WRN: variants seen among roughly 807,000 people sequenced by gnomAD.
WRN encodes the protein WRN RecQ like helicase.
A neutral mutation model predicts 180.7 loss-of-function variants in WRN; 149 were observed. The observed-to-expected ratio is 0.82, with a 90% CI of 0.72 to 0.94. The LOEUF is 0.94. Among genes scored for constraint, WRN ranks in the 40% least tolerant of loss-of-function variants. The probability of loss-of-function intolerance (pLI) is 0.00; values close to 1 mark genes in which losing one functional copy is unlikely to be tolerated. For missense variants in WRN, 1,661 were observed against 1,700.1 expected (o/e 0.98, Z 0.40); for synonymous variants, 548 against 568.9 (o/e 0.96, Z 0.52).
chr8:31,121,327 T>G (rs1801719124), intron 21 of WRN, among the ~76,000 whole-genome samples: 1 of 151,938 alleles, frequency 6.6e-6, no homozygotes, highest in African/African-American at 2.4e-5. Flanking sequence ...CCCACTACAG[T>G]TTTTGTTTTT....
At position 31,167,003 on chromosome 8, in the gene WRN, GT is replaced by G. The variant is rs368931913; in HGVS notation, c.3983-12del. 5 of 1,601,126 alleles carry G rather than the reference GT, an allele frequency of 3.1e-6. No homozygotes were observed. Among genetic ancestry groups the G allele is most frequent in the African/African-American group, 2.7e-5 (2 of 74,502 alleles). On this transcript the variant is annotated intron_variant, in intron 33 of 34. Transcript: ENST00000298139. ...TCTCTGTAATTTATTTTGAAATGGAGTTTTTTTATCGTTTACAGATATGAGT... is the reference window on the plus strand; with the variant it reads ...TCTCTGTAATTTATTTTGAAATGGAGTTTTTTATCGTTTACAGATATGAGT...
At chr8:31,101,562 G>C (rs1800858597) in intron 18 of WRN, among the ~76,000 whole-genome samples, 1 of 152,040 alleles carries the variant, frequency 6.6e-6, no homozygotes, top group African/African-American at 2.4e-5. Context: ...CGAGGTGGGT[G>C]GATCACCTGA....
chr8:31,088,690 A>G (rs981211450), intron 12 of WRN, among the ~76,000 whole-genome samples, 200 bp from the exon 13 acceptor site: 1 of 152,114 alleles, frequency 6.6e-6, no homozygotes, highest in African/African-American at 2.4e-5. Context: ...TCACAACAAA[A>G]TTCTAATACT....
chr8:31,100,680 C>G (rs1381210145), intron 17 of WRN, among the ~76,000 whole-genome samples, 169 bp from the exon 18 acceptor site: 3 of 152,292 alleles, frequency 2.0e-5, no homozygotes, highest in Middle Eastern at 3.4e-3. Context: ...TCCCCTCTCC[C>G]TATTTCCAAT....
At chr8:31,043,277 A>G (rs1400186451) in intron 1 of WRN, among the ~76,000 whole-genome samples, 1 of 152,212 alleles carries the variant, frequency 6.6e-6, no homozygotes, top group Non-Finnish European at 1.5e-5. Flanking sequence ...ATTTGTTGCA[A>G]TTGGACTGCC....
chr8:31,082,746 G>A (rs1263172443), intron 9 of WRN, among the ~76,000 whole-genome samples: 3 of 151,780 alleles, frequency 2.0e-5, no homozygotes, highest in Admixed American at 6.6e-5. Context: ...ACAGGTGCCC[G>A]CCACCACACC....
chr8:31,151,901 A>AG (rs1554535169), intron 31 of WRN, among the ~76,000 whole-genome samples: 1 of 150,598 alleles, frequency 6.6e-6, no homozygotes, highest in Non-Finnish European at 1.5e-5. Flanking sequence ...TTAGCCTTTT[A>AG]TTTTTTTTTT....
intron 1 of WRN, among the ~76,000 whole-genome samples, chr8:31,057,443 C>T (rs959910157): frequency 2.6e-5 from 4 of 151,924 alleles, no homozygotes; most frequent in African/African-American, 7.3e-5. Flanking sequence ...TGGTGGCGGG[C>T]GCCTGTAGTC....
intron 30 of WRN, among the ~76,000 whole-genome samples, chr8:31,147,858 C>G (rs1303278016): frequency 2.0e-5 from 3 of 151,104 alleles, no homozygotes; most frequent in South Asian, 2.1e-4. Flanking sequence ...ATATAAAACC[C>G]CTTCGTCTTC....
Position 31,096,796 on chromosome 8 carries a change from C to G in WRN, c.1927C>G (p.Pro643Ala). Residue 643 changes from proline to alanine, a missense_variant, in exon 17 of 35, where the codon CCA becomes GCA. By Grantham distance (27) the Pro-to-Ala change is conservative (BLOSUM62 -1). Around this residue, in one of 3 missense-constraint regions of WRN, gnomAD observed 1,141 missense variants for 1,149.4 expected, o/e 0.99. Transcript: ENST00000298139. ...LGKYRIVYVT[P>A]EYCSGNMGLL... The stretch of plus-strand genomic sequence containing the variant: ...TAAATACCGGATTGTATACGTAACT[C>G]CAGAATACTGTTCAGGTAACATGGG... The G allele has an allele frequency of 6.2e-7, 1 of 1,609,572 alleles. No homozygotes were observed. The highest frequency in any genetic ancestry group is 8.5e-7 in the Non-Finnish European group (1 of 1,178,800).
At chr8:31,109,968 A>G (rs1439578365) in intron 18 of WRN, among the ~76,000 whole-genome samples, 3 of 152,194 alleles carry the variant, frequency 2.0e-5, no homozygotes, top group African/African-American at 7.2e-5. Context: ...TCACTTATAC[A>G]TTATATTGCT....
In WRN at chr8:31,154,656, A is replaced by C; in HGVS notation, c.3720A>C (p.Glu1240Asp). ...TCTTTTCAAGTACAAAACCTCAAGA[A>C]GAACAGAAGACGAGTCTGGTAGCAA... ...TDLFSSTKPQ[E>D]EQKTSLVAKN... The change falls in exon 32 of 35, where the codon GAA becomes GAC. Residue 1240 changes from glutamate to aspartate, a missense_variant. This residue lies in a region of WRN where 1,141 missense variants were observed against 1,149.4 expected (regional missense o/e 0.99). Transcript: ENST00000298139. 7.4e-6 allele frequency: 12 copies of C among 1,613,578 alleles called. No individual in the cohort carries two copies. Among genetic ancestry groups the C allele is most frequent in the Non-Finnish European group, 1.0e-5 (12 of 1,179,696 alleles).
At chr8:31,034,914 A>G (rs1003596792) in intron 1 of WRN, among the ~76,000 whole-genome samples, 1 of 152,208 alleles carries the variant, frequency 6.6e-6, no homozygotes, top group African/African-American at 2.4e-5. Context: ...GTTCCAGTCT[A>G]GAGCCCATAT....
Position 31,121,200 on chromosome 8 carries a change from C to A in WRN, c.2630+776C>A, listed in dbSNP as rs187679619. Among the ~76,000 whole-genome samples, 3 of 152,056 alleles carry A rather than the reference C, an allele frequency of 2.0e-5. No individual in the cohort carries two copies. In the East Asian group the frequency reaches 5.8e-4, roughly 29 times the overall value. Reference sequence around the variant, plus strand: ...CAGGAGAAAAACCTATACATGGTAACCAATGGGGCTGCCAAGCTGATGAAG... The same window carrying A: ...CAGGAGAAAAACCTATACATGGTAAACAATGGGGCTGCCAAGCTGATGAAG... On this transcript the variant is annotated intron_variant, in intron 21 of 34. Transcript: ENST00000298139.
At chr8:31,090,205 G>A (rs1813692410) in intron 13 of WRN, among the ~76,000 whole-genome samples, 1 of 150,116 alleles carries the variant, frequency 6.7e-6, no homozygotes, top group Non-Finnish European at 1.5e-5. Flanking sequence ...TGGATATCTA[G>A]TATGAAGCTT....
chr8:31,110,949 C>T lies in WRN; in HGVS notation c.2089-666C>T, dbSNP rs181772796. ...TGGAAGATGACATATTCATGCTTTT[C>T]CTGATAACTGCTGAGTCTCCTGCTC... On this transcript the variant is annotated intron_variant, in intron 18 of 34. Transcript: ENST00000298139. Among the ~76,000 whole-genome samples, 37 of 152,296 alleles carry T rather than the reference C, an allele frequency of 2.4e-4. No individual in the cohort carries two copies. The East Asian group carries it at 5.8e-3, about 24-fold the overall frequency.
intron 19 of WRN, among the ~76,000 whole-genome samples, chr8:31,113,860 A>G (rs1330842699): frequency 6.6e-6 from 1 of 152,108 alleles, no homozygotes; most frequent in East Asian, 1.9e-4. Flanking sequence ...GTTGCTTTCT[A>G]TGCAGTTTAC....
At chr8:31,131,958 CTTTTTTTT>C (rs71208103) in intron 23 of WRN, among the ~76,000 whole-genome samples, 10 of 123,128 alleles carry the variant, frequency 8.1e-5, no homozygotes, top group Non-Finnish European at 6.8e-5. Context: ...AGCTGAAAGG[CTTTTTTTT>C]TTTTTTTTTT....
chr8:31,105,801 T>G (rs988124120), intron 18 of WRN, among the ~76,000 whole-genome samples: 2 of 152,158 alleles, frequency 1.3e-5, no homozygotes, highest in African/African-American at 2.4e-5. Flanking sequence ...ACTCCCAAAT[T>G]TTTATCTCCA....
Sources: gnomAD v4.1 joint callset for allele counts (sites outside exome capture counted in the v4.1 genomes callset) on GRCh38, gnomAD v4.1.1 for gene constraint, gnomAD v4.1.1 regional missense constraint, MANE v1.5 for transcripts, NCBI Gene and HGNC (gene_info 2026-07-23, HGNC 2026-07-21) for gene names.